Variants in GBP1 observed in about 807,000 individuals in gnomAD.
The protein encoded by GBP1 is guanylate-binding protein 1.
A neutral mutation model predicts 69.5 loss-of-function variants in GBP1; 64 were observed. The ratio of observed to expected loss-of-function variants is 0.92; its 90% CI spans 0.75 to 1.13. The LOEUF is 1.13. Ranked by LOEUF, GBP1 falls within the 50% of genes most tolerant of loss-of-function variation. GBP1 has a pLI of 0.00. For synonymous variants in GBP1, 250 were observed against 261.2 expected (o/e 0.96, Z 0.41); for missense variants, 630 against 704.1 (o/e 0.89, Z 1.19).
intron 6 of GBP1, 147 bp from the exon 7 acceptor site, chr1:89,057,281 A>G: frequency 1.7e-6 from 2 of 1,150,256 alleles, no homozygotes; most frequent in Non-Finnish European, 2.4e-6. Context: ...ATAGACTCTC[A>G]GACCCTGTCC....
intron 3 of GBP1, among the ~76,000 whole-genome samples, chr1:89,059,926 A>G (rs1444056110): frequency 6.6e-6 from 1 of 152,236 alleles, no homozygotes; most frequent in Non-Finnish European, 1.5e-5. Context: ...TAGAATGCTG[A>G]GGCGAAAATA....
intron 10 of GBP1, among the ~76,000 whole-genome samples, chr1:89,054,029 A>T (rs1679982508): frequency 6.6e-6 from 1 of 152,214 alleles, no homozygotes; most frequent in Non-Finnish European, 1.5e-5. Flanking sequence ...TTAATTATTT[A>T]TTCTTTTTGG....
chr1:89,058,965 A>C lies in GBP1; in HGVS notation c.507T>G (p.Ala169=). The C allele has an allele frequency of 6.2e-7, 1 of 1,614,200 alleles. No individual in the cohort carries two copies. The highest frequency in any genetic ancestry group is 2.2e-5 in the East Asian group (1 of 44,876). ...DENENEVEDS[A]DFVSFFPDFV... ...AGTCTGGGAAGAAGCTCACAAAGTC[A>C]GCTGAATCCTCAACCTCATTCTCAT... is the stretch of plus-strand genomic sequence containing the variant. Residue 169 remains alanine (A), a synonymous_variant, in exon 5 of 11, where the codon GCT becomes GCG. Coordinates refer to ENST00000370473, the MANE Select transcript of GBP1 (RefSeq NM_002053.3).
rs1680105493 is a variant in GBP1, at chr1:89,058,678, A to G, written c.631+163T>C. Reference sequence around the variant, plus strand: ...AGAACAATGACAAATGTAATTTAAAATAACATCTATTAATTTGGATATTCA... The same window carrying G: ...AGAACAATGACAAATGTAATTTAAAGTAACATCTATTAATTTGGATATTCA... On this transcript the variant is annotated intron_variant, in intron 5 of 10. Coordinates refer to ENST00000370473, the MANE Select transcript of GBP1 (RefSeq NM_002053.3). 6 of 703,606 alleles carry G rather than the reference A, an allele frequency of 8.5e-6. No homozygotes were observed. In the Admixed American group the frequency reaches 1.7e-4, roughly 20 times the overall value. The allele number at this position is 703,606 out of a possible 1,614,324, so 43.6% of individuals were successfully genotyped here. A position where few individuals can be genotyped will look rare whatever the true frequency, so the allele number is the denominator to read the frequency against.
intron 6 of GBP1, 49 bp downstream of exon 6, chr1:89,057,943 G>A (rs1680085015): frequency 6.5e-7 from 1 of 1,531,890 alleles, no homozygotes; most frequent in Non-Finnish European, 8.8e-7. Flanking sequence ...GTTATTCTAT[G>A]CTCCTCTAGT....
In GBP1 at chr1:89,057,195, A is replaced by C; in HGVS notation, c.875-61T>G. 2 of 1,596,074 alleles carry C rather than the reference A, an allele frequency of 1.3e-6. 1 individual carries two copies. The highest frequency in any genetic ancestry group is 2.2e-5 in the South Asian group (2 of 89,314). ...GTAAAGAAAGTCTCTATTCCATGTAATTCTGAGCATGTCAAATACCACCTA... is the reference window on the plus strand; with the variant it reads ...GTAAAGAAAGTCTCTATTCCATGTACTTCTGAGCATGTCAAATACCACCTA... On this transcript the variant is annotated intron_variant, in intron 6 of 10. Coordinates refer to ENST00000370473, the MANE Select transcript of GBP1 (RefSeq NM_002053.3).
chr1:89,058,777 A>T, intron 5 of GBP1, 64 bp downstream of exon 5: 1 of 1,574,400 alleles, frequency 6.4e-7, no homozygotes, highest in East Asian at 2.2e-5. Context: ...AGCAATAGTA[A>T]ACTGAAAAAT....
At chr1:89,059,923 C>T (rs1038445851) in intron 3 of GBP1, among the ~76,000 whole-genome samples, 2 of 152,122 alleles carry the variant, frequency 1.3e-5, no homozygotes, top group Non-Finnish European at 2.9e-5. Flanking sequence ...GATTAGAATG[C>T]TGAGGCGAAA....
In GBP1 at chr1:89,055,179, C is replaced by T; in HGVS notation, c.1405G>A (p.Glu469Lys). 1 of 1,611,884 alleles carries T rather than the reference C, an allele frequency of 6.2e-7. No homozygotes were observed. The highest frequency in any genetic ancestry group is 1.1e-5 in the South Asian group (1 of 90,650). ...EILQTYLKSK[E>K]SMTDAILQTD... Reference sequence around the variant, plus strand: ...TGGAGAATTGCATCAGTCATAGACTCCTTGGATTTCAAGTATGTCTGCAGA... The same window carrying T: ...TGGAGAATTGCATCAGTCATAGACTTCTTGGATTTCAAGTATGTCTGCAGA... The change falls in exon 9 of 11, where the codon GAG (glutamate) becomes AAG (lysine). Residue 469 changes from glutamate (E) to lysine (K), a missense_variant. By Grantham distance (56) the Glu-to-Lys change is moderately conservative. Around this residue, in one of 5 missense-constraint regions of GBP1, gnomAD observed 367 missense variants for 369.5 expected, o/e 0.99. Coordinates refer to ENST00000370473, the MANE Select transcript of GBP1 (RefSeq NM_002053.3).
At chr1:89,061,523 A>T (rs1680198263) in intron 2 of GBP1, among the ~76,000 whole-genome samples, 1 of 152,184 alleles carries the variant, frequency 6.6e-6, no homozygotes, top group Non-Finnish European at 1.5e-5. Context: ...GGATCAAAGA[A>T]CCAAACATTA....
At chr1:89,060,901 A>G (rs1378285146) in intron 2 of GBP1, among the ~76,000 whole-genome samples, 2 of 152,266 alleles carry the variant, frequency 1.3e-5, no homozygotes, top group Non-Finnish European at 2.9e-5. Context: ...TTGCTAGTGT[A>G]AAAAATAGAA....
chr1:89,063,048 T>G lies in GBP1; in HGVS notation c.187A>C (p.Lys63Gln). Residue 63 changes from lysine (K) to glutamine (Q), a missense_variant, in exon 2 of 11, where the codon AAG (lysine) becomes CAG (glutamine). By Grantham distance (53) the Lys-to-Gln change is moderately conservative. This residue lies in a region of GBP1 where 131 missense variants were observed against 138.5 expected (regional missense o/e 0.95). Transcript: ENST00000370473. ...GAGCTTTGCTCATGCCACTCACCCT[T>G]TTTCTTTCCAGCCAGCTTGTTCATC... is the stretch of plus-strand genomic sequence containing the variant. ...YLMNKLAGKK[K>Q]GFSLGSTVQS... 6.2e-7 allele frequency: 1 copy of G among 1,614,034 alleles called. No individual in the cohort carries two copies. The highest frequency in any genetic ancestry group is 8.5e-7 in the Non-Finnish European group (1 of 1,179,930).
At chr1:89,058,698 T>A (rs1191363608) in intron 5 of GBP1, 143 bp downstream of exon 5, 2 of 762,092 alleles carry the variant, frequency 2.6e-6, no homozygotes, top group African/African-American at 3.5e-5. Flanking sequence ...TTAATTTGGA[T>A]ATTCAGCAAG....
intron 7 of GBP1, 137 bp downstream of exon 7, chr1:89,056,717 G>T: frequency 2.0e-6 from 2 of 1,022,692 alleles, no homozygotes; most frequent in Non-Finnish European, 2.9e-6. Flanking sequence ...TCTGACTGAT[G>T]TGATCACAAA....
intron 3 of GBP1, among the ~76,000 whole-genome samples, chr1:89,059,667 C>T (rs1680135518): frequency 6.7e-6 from 1 of 150,130 alleles, no homozygotes; most frequent in African/African-American, 2.5e-5. Flanking sequence ...CTTACTAGGT[C>T]TTCTAATGAT....
At chr1:89,058,379 A>G (rs1680098529) in intron 5 of GBP1, 145 bp from the exon 6 acceptor site, 2 of 723,036 alleles carry the variant, frequency 2.8e-6, no homozygotes, top group South Asian at 4.1e-5. Flanking sequence ...CAACAGCTTT[A>G]GACAATATGT....
intron 10 of GBP1, 131 bp downstream of exon 10, chr1:89,054,551 T>A (rs1188885317): frequency 1.2e-6 from 1 of 822,580 alleles, no homozygotes; most frequent in Non-Finnish European, 2.0e-6. Context: ...AGACAGGAAT[T>A]GAAAAGTACA....
rs141695167 is a variant in GBP1, at chr1:89,060,416, G to A, written c.191-92C>T. 7.8e-3 allele frequency: 9,251 copies of A among 1,190,842 alleles called. 58 individuals carry two copies. The highest frequency in any genetic ancestry group is 8.3e-3 in the South Asian group (347 of 42,008). The allele number at this position is 1,190,842 out of a possible 1,614,324, so 73.8% of individuals were successfully genotyped here. A position where few individuals can be genotyped will look rare whatever the true frequency, so the allele number is the denominator to read the frequency against. ...AAGTAGTATATTTAAGGTTAAGAGA[G>A]AGAACTGAAACAACAATCAGTATTC... On this transcript the variant is annotated intron_variant, in intron 2 of 10. Transcript: ENST00000370473.
Position 89,056,349 on chromosome 1 carries a change from C to T in GBP1, c.1156-121G>A, listed in dbSNP as rs1680045450. ...TGATGCTGGAGAAACTGACAGCCTCCTCACCAGGACCACACTCTTCCTTCT... is the reference window on the plus strand; with the variant it reads ...TGATGCTGGAGAAACTGACAGCCTCTTCACCAGGACCACACTCTTCCTTCT... On this transcript the variant is annotated intron_variant, in intron 7 of 10. Transcript: ENST00000370473. The T allele has an allele frequency of 4.7e-6, 7 of 1,504,158 alleles. No homozygotes were observed. The African/African-American group carries it at 7.0e-5, about 15-fold the overall frequency. The allele number at this position is 1,504,158 out of a possible 1,614,324, so 93.2% of individuals were successfully genotyped here.
Sources: allele counts gnomAD v4.1 joint callset (sites outside exome capture counted in the v4.1 genomes callset), GRCh38; gene constraint gnomAD v4.1.1; regional missense constraint gnomAD v4.1.1; transcripts MANE v1.5; gene names NCBI Gene and HGNC (gene_info 2026-07-23, HGNC 2026-07-21).